Variants in PACRG observed in about 807,000 individuals in gnomAD.
PACRG encodes parkin coregulated.
In PACRG, 29 loss-of-function variants were observed where a neutral mutation model predicts 29.7. The observed-to-expected ratio is 0.98, with a 90% CI of 0.73 to 1.33. PACRG has a LOEUF of 1.33. Among genes scored for constraint, PACRG ranks in the 40% most tolerant of loss-of-function variants. PACRG has a pLI of 0.00. For missense variants in PACRG, 279 were observed against 316.2 expected (o/e 0.88, Z 0.89); for synonymous variants, 116 against 118.7 (o/e 0.98, Z 0.15).
rs187839976 is a variant in PACRG at position 162,909,614 on chromosome 6, C to T, written c.291+95333C>T. Reference sequence around the variant, plus strand: ...ATTTCTTTCTTGAAATTTCCTTGTCCCCACTTCCTACCCCTTCCCAGACAG... The same window carrying T: ...ATTTCTTTCTTGAAATTTCCTTGTCTCCACTTCCTACCCCTTCCCAGACAG... On this transcript the variant is annotated intron_variant, in intron 2 of 4. Transcript: ENST00000366888. 1.9e-3 allele frequency among the ~76,000 whole-genome samples: 285 copies of T among 151,478 alleles called. 2 individuals are homozygous for T. The highest frequency in any genetic ancestry group is 6.7e-3 in the African/African-American group (275 of 41,126).
intron 2 of PACRG, among the ~76,000 whole-genome samples, chr6:163,041,344 A>T (rs1048373572): frequency 6.6e-6 from 1 of 152,014 alleles, no homozygotes; most frequent in African/African-American, 2.4e-5. Context: ...CTCAAAAAAA[A>T]ATAAAAATAA....
chr6:162,941,881 A>G (rs1798655340), intron 2 of PACRG, among the ~76,000 whole-genome samples: 1 of 152,340 alleles, frequency 6.6e-6, no homozygotes, highest in African/African-American at 2.4e-5. Context: ...AAAGAAAAAA[A>G]GCCAGTTGCT....
intron 1 of PACRG, among the ~76,000 whole-genome samples, chr6:162,766,449 A>C (rs1412467146): frequency 6.6e-6 from 1 of 152,058 alleles, no homozygotes; most frequent in Non-Finnish European, 1.5e-5. Flanking sequence ...CATTTAAAAA[A>C]ATCTATTGAT....
rs1245142447 is a variant in PACRG at position 163,017,263 on chromosome 6, G to T, written c.292-44887G>T. Among the ~76,000 whole-genome samples, 4 of 152,238 alleles carry T rather than the reference G, an allele frequency of 2.6e-5. No individual in the cohort carries two copies. The East Asian group carries it at 7.7e-4, about 29-fold the overall frequency. On this transcript the variant is annotated intron_variant, in intron 2 of 4. Coordinates refer to ENST00000366888, the MANE Select transcript of PACRG (RefSeq NM_001080379.2). The stretch of plus-strand genomic sequence containing the variant: ...AGTGATAAATATAAACGTGGGGGGA[G>T]ATACAGCTCCAAGGCAAGGAAATAT...
At chr6:162,904,252 A>G (rs529821899) in intron 2 of PACRG, among the ~76,000 whole-genome samples, 3 of 152,376 alleles carry the variant, frequency 2.0e-5, no homozygotes, top group African/African-American at 7.2e-5. Context: ...AAACATCTAC[A>G]TGAATGACGC....
rs373421555 is a variant in PACRG, at chr6:162,940,422, A to T, written c.292-121728A>T. On this transcript the variant is annotated intron_variant, in intron 2 of 4. Coordinates refer to ENST00000366888, the MANE Select transcript of PACRG (RefSeq NM_001080379.2). ...TCTCTCTCTCCTGCCCATTTCTCCT[A>T]TCTCTCTCTGTCTGTCTGTCTGTAT... Among the ~76,000 whole-genome samples, 17 of 149,990 alleles carry T rather than the reference A, an allele frequency of 1.1e-4. No homozygotes were observed. The East Asian group carries it at 3.1e-3, about 28-fold the overall frequency.
chr6:163,312,801 G>A (rs1785481790), intron 4 of PACRG: 1 of 439,066 alleles, frequency 2.3e-6, no homozygotes. Context: ...TGCCCAGGCT[G>A]GAGTGCAGTG....
At chr6:163,265,283 G>T (rs907766100) in intron 4 of PACRG, among the ~76,000 whole-genome samples, 7 of 152,144 alleles carry the variant, frequency 4.6e-5, no homozygotes, top group Admixed American at 4.6e-4. Flanking sequence ...CCTGTGTGCA[G>T]GCCCCTTCTG....
Position 163,228,588 on chromosome 6 carries a change from CT to C in PACRG, c.614-86234del, listed in dbSNP as rs1475383381. Among the ~76,000 whole-genome samples the C allele has an allele frequency of 7.2e-5, 11 of 152,186 alleles. No homozygotes were observed. The East Asian group carries it at 2.1e-3, about 29-fold the overall frequency. The stretch of plus-strand genomic sequence containing the variant: ...AAACCAACTTTATACCAAAGAATTC[CT>C]TTTTATGGAAAAAGTACAGTCACTT... On this transcript the variant is annotated intron_variant, in intron 4 of 4. Transcript: ENST00000366888.
At chr6:163,112,941 A>T (rs1815790737) in intron 4 of PACRG, among the ~76,000 whole-genome samples, 1 of 152,228 alleles carries the variant, frequency 6.6e-6, no homozygotes, top group Admixed American at 6.5e-5. Context: ...TGCTAGACAA[A>T]GGCTTTAAAA....
At chr6:163,095,563 C>A in intron 4 of PACRG, 1 of 527,744 alleles carries the variant, frequency 1.9e-6, no homozygotes, top group Non-Finnish European at 2.4e-6. Flanking sequence ...CCAGCTCTCA[C>A]TGCAGGCTCC....
At chr6:162,743,672 ATTAT>A (rs1562552342) in intron 1 of PACRG, among the ~76,000 whole-genome samples, 2 of 151,698 alleles carry the variant, frequency 1.3e-5, no homozygotes, top group Admixed American at 6.6e-5. Context: ...GAGTTTTTGA[ATTAT>A]TTATTTAATG....
intron 4 of PACRG, among the ~76,000 whole-genome samples, chr6:163,176,925 A>G (rs921190260): frequency 2.0e-5 from 3 of 152,228 alleles, no homozygotes; most frequent in South Asian, 2.1e-4. Flanking sequence ...CTGTCGTTGA[A>G]TACTGACAAA....
intron 2 of PACRG, among the ~76,000 whole-genome samples, chr6:162,942,231 C>G (rs1798683048): frequency 1.3e-5 from 2 of 152,140 alleles, no homozygotes; most frequent in Non-Finnish European, 2.9e-5. Flanking sequence ...GAGCTATTCT[C>G]TCCACATACT....
At chr6:162,848,236 AC>A (rs1790572877) in intron 2 of PACRG, among the ~76,000 whole-genome samples, 1 of 152,156 alleles carries the variant, frequency 6.6e-6, no homozygotes. Flanking sequence ...GACAAACTTC[AC>A]CTTCTTCAAA....
At chr6:163,012,759 C>A (rs989691368) in intron 2 of PACRG, among the ~76,000 whole-genome samples, 1 of 152,216 alleles carries the variant, frequency 6.6e-6, no homozygotes, top group Non-Finnish European at 1.5e-5. Flanking sequence ...CCATTCATTT[C>A]CCTGACAGAA....
chr6:163,301,093 C>T (rs933077096), intron 4 of PACRG, among the ~76,000 whole-genome samples: 1 of 150,834 alleles, frequency 6.6e-6, no homozygotes, highest in Non-Finnish European at 1.5e-5. Flanking sequence ...AGTAGGGCCA[C>T]GTCTGCTGCT....
intron 2 of PACRG, among the ~76,000 whole-genome samples, chr6:163,054,381 C>T (rs1036029109): frequency 2.6e-5 from 4 of 152,158 alleles, no homozygotes; most frequent in Non-Finnish European, 5.9e-5. Flanking sequence ...TCTCTCCCTC[C>T]ACAGAACTCG....
chr6:162,882,439 G>T (rs1472892572), intron 2 of PACRG, among the ~76,000 whole-genome samples: 1 of 152,130 alleles, frequency 6.6e-6, no homozygotes, highest in Non-Finnish European at 1.5e-5. Flanking sequence ...AGACCCAGGG[G>T]CTCTCTCTAC....
Sources: allele counts gnomAD v4.1 joint callset (sites outside exome capture counted in the v4.1 genomes callset), GRCh38; gene constraint gnomAD v4.1.1; transcripts MANE v1.5; gene names NCBI Gene and HGNC (gene_info 2026-07-23, HGNC 2026-07-21).